The following BAHCC1 variants were observed in gnomAD, a reference collection of about 807,000 sequenced individuals.
The protein encoded by BAHCC1 is BAH domain and coiled-coil containing 1, also known as BAH and coiled-coil domain-containing protein 1.
In BAHCC1, 43 loss-of-function variants were observed where a neutral mutation model predicts 88.2. That is an observed-to-expected ratio of 0.49 (90% CI 0.38 to 0.63). The LOEUF is 0.63. Among genes scored for constraint, BAHCC1 ranks in the 20% least tolerant of loss-of-function variants. BAHCC1 has a pLI of 0.00. For missense variants in BAHCC1, 3,023 were observed against 1,654.8 expected, an observed-to-expected ratio of 1.83 and a Z score of -14.34; for synonymous variants, 1,510 against 745.5, an observed-to-expected ratio of 2.03 and a Z score of -16.71.
chr17:81,404,007 A>C (rs924340435), intron 2 of BAHCC1, among the ~76,000 whole-genome samples: 4 of 152,278 alleles, frequency 2.6e-5, no homozygotes, highest in Non-Finnish European at 2.9e-5. Flanking sequence ...AGCCAGGCAG[A>C]GAACGGCGTT....
At chr17:81,462,633 C>T (rs2030401792) in intron 26 of BAHCC1, 107 bp from the exon 27 acceptor site, 14 of 644,862 alleles carry the variant, frequency 2.2e-5, no homozygotes, top group Non-Finnish European at 3.6e-5. Flanking sequence ...CACACTCACA[C>T]TCAGACTCAC....
rs782776808 is a variant in BAHCC1 at position 81,442,007 on chromosome 17, G to A, written c.658G>A (p.Val220Met). ...CCCCAAGGACTTCGACCGCTTCCTCGTGGGCAAAGAGCTGGGCAGAGAGAA... is the reference window on the plus strand; with the variant it reads ...CCCCAAGGACTTCGACCGCTTCCTCATGGGCAAAGAGCTGGGCAGAGAGAA... ...KGPKDFDRFL[V>M]GKELGREKAG... Residue 220 changes from valine (V) to methionine (M), a missense_variant, in exon 5 of 28, where the codon GTG becomes ATG. Coordinates refer to ENST00000675386, the MANE Select transcript of BAHCC1 (RefSeq NM_001377448.1). 49 of 740,206 alleles carry A rather than the reference G, an allele frequency of 6.6e-5. No homozygotes were observed. Among genetic ancestry groups the A allele is most frequent in the Admixed American group, 3.5e-4 (19 of 54,212 alleles). 45.9% of individuals were successfully genotyped at this position (740,206 alleles called of 1,614,324 possible). A position where few individuals can be genotyped will look rare whatever the true frequency, so the allele number is the denominator to read the frequency against.
In BAHCC1 at chr17:81,455,286, G is replaced by A. The variant is rs980488953; in HGVS notation, c.4465G>A (p.Gly1489Ser). ...CCCCAGGGCGGTGCGGACAAGCCTG[G>A]GTCTGCTGTGTGCGGAGCTGCGAGG... ...KKVKAVRTSL[G>S]LLCAELRGGS... is the part of the protein sequence containing the mutation. The change falls in exon 15 of 28, where the codon GGT becomes AGT. Residue 1489 changes from glycine (G) to serine (S), a missense_variant. Transcript: ENST00000675386. 2 of 716,866 alleles carry A rather than the reference G, an allele frequency of 2.8e-6. No individual in the cohort carries two copies. The highest frequency in any genetic ancestry group is 5.2e-6 in the Non-Finnish European group (2 of 385,308). The allele number at this position is 716,866 out of a possible 1,614,324, so 44.4% of individuals were successfully genotyped here. A position where few individuals can be genotyped will look rare whatever the true frequency, so the allele number is the denominator to read the frequency against.
At chr17:81,425,789 T>G (rs2064184280) in intron 2 of BAHCC1, among the ~76,000 whole-genome samples, 1 of 110,094 alleles carries the variant, frequency 9.1e-6, no homozygotes, top group African/African-American at 3.9e-5. Context: ...GATGATGTGG[T>G]TGAGGGTGAT....
At chr17:81,436,389 ATGGGCTGGAGGCCTGGACCTCTGGAGG>A in intron 3 of BAHCC1, among the ~76,000 whole-genome samples, 1 of 152,180 alleles carries the variant, frequency 6.6e-6, no homozygotes, top group Non-Finnish European at 1.5e-5. Flanking sequence ...CAGAGAGCGG[ATGGGCTGGAGGCCTGGACCTCTGGAGG>A]GGGGACCGGG....
chr17:81,412,638 T>C (rs1555648016), intron 2 of BAHCC1, among the ~76,000 whole-genome samples: 5 of 152,200 alleles, frequency 3.3e-5, no homozygotes. Flanking sequence ...CGACTCTCCC[T>C]CCTGGCCCTT....
In BAHCC1 at chr17:81,452,755, G is replaced by T; in HGVS notation, c.4349G>T (p.Arg1450Leu). Reference protein sequence around the residue: ...RDESSRSPARRGPGRPRKRKH... With the variant: ...RDESSRSPARLGPGRPRKRKH... ...GAGAGTTCACGGAGCCCTGCACGGC[G>T]GGGGCCTGGCCGGCCGAGGAAGCGC... The change falls in exon 14 of 28, where the codon CGG (arginine) becomes CTG (leucine). Residue 1450 changes from arginine (R) to leucine (L), a missense_variant. By Grantham distance (102) the Arg-to-Leu change is moderately radical (BLOSUM62 -2). Coordinates refer to ENST00000675386, the MANE Select transcript of BAHCC1 (RefSeq NM_001377448.1). 1 of 748,876 alleles carries T rather than the reference G, an allele frequency of 1.3e-6. No homozygotes were observed. Among genetic ancestry groups the T allele is most frequent in the Non-Finnish European group, 2.5e-6 (1 of 405,660 alleles). The allele number at this position is 748,876 out of a possible 1,614,324, so 46.4% of individuals were successfully genotyped here. A position where few individuals can be genotyped will look rare whatever the true frequency, so the allele number is the denominator to read the frequency against.
chr17:81,415,431 C>T, intron 2 of BAHCC1: 1 of 419,762 alleles, frequency 2.4e-6, no homozygotes, highest in African/African-American at 2.1e-5. Flanking sequence ...GCATACGTCC[C>T]CCTGGAAGGG....
At chr17:81,428,830 C>A (rs1009800716) in intron 3 of BAHCC1, among the ~76,000 whole-genome samples, 1 of 152,260 alleles carries the variant, frequency 6.6e-6, no homozygotes, top group Non-Finnish European at 1.5e-5. Context: ...TCACATGGGG[C>A]CCGGCATCGG....
In BAHCC1 at chr17:81,447,768, C is replaced by T; in HGVS notation, c.3896C>T (p.Ser1299Leu). The change falls in exon 11 of 28, where the codon TCA becomes TTA. Residue 1299 changes from serine to leucine, a missense_variant. Ser to Leu is a moderately radical substitution (Grantham distance 145, BLOSUM62 -2). Transcript: ENST00000675386. ...PPSTVPLPHS[S>L]GIHGIALLSE... is the part of the protein sequence containing the mutation. ...AGCACAGTCCCCCTGCCTCATAGCT[C>T]AGGGATTCATGGGATCGCTCTGCTC... 1 of 748,926 alleles carries T rather than the reference C, an allele frequency of 1.3e-6. No individual in the cohort carries two copies. Among genetic ancestry groups the T allele is most frequent in the South Asian group, 1.4e-5 (1 of 70,238 alleles). 46.4% of individuals were successfully genotyped at this position (748,926 alleles called of 1,614,324 possible). A position where few individuals can be genotyped will look rare whatever the true frequency, so the allele number is the denominator to read the frequency against.
intron 23 of BAHCC1, among the ~76,000 whole-genome samples, chr17:81,460,024 G>A (rs2030107140): frequency 6.6e-6 from 1 of 152,104 alleles, no homozygotes; most frequent in Non-Finnish European, 1.5e-5. Context: ...GTGGGCACGT[G>A]GGCGTCAGCA....
intron 2 of BAHCC1, chr17:81,415,523 T>C (rs1555648498): frequency 7.8e-6 from 4 of 515,066 alleles, no homozygotes; most frequent in Admixed American, 3.9e-5. Context: ...AATGGCACTT[T>C]AGTGGGGGCC....
rs181434972 is a variant in BAHCC1 at position 81,457,220 on chromosome 17, C to T, written c.4859-190C>T. ...CACCCCTCCCCACACCCATACAAAT[C>T]CCTTCAGGCTGGAGGCCAGGACCTC... is the stretch of plus-strand genomic sequence containing the variant. On this transcript the variant is annotated intron_variant, in intron 16 of 27. Transcript: ENST00000675386. 1.5e-3 allele frequency among the ~76,000 whole-genome samples: 235 copies of T among 152,284 alleles called. 1 individual carries two copies. Among genetic ancestry groups the T allele is most frequent in the African/African-American group, 5.4e-3 (224 of 41,542 alleles).
At chr17:81,440,273 A>G (rs1244891919) in intron 4 of BAHCC1, among the ~76,000 whole-genome samples, 1 of 151,712 alleles carries the variant, frequency 6.6e-6, no homozygotes, top group African/African-American at 2.4e-5. Context: ...CAGAAACCCA[A>G]CCCCTCCACC....
Position 81,461,228 on chromosome 17 carries a change from G to T in BAHCC1, c.6565G>T (p.Ala2189Ser), listed in dbSNP as rs1208111175. Residue 2189 changes from alanine (A) to serine (S), a missense_variant, in exon 26 of 28, where the codon GCC becomes TCC. Transcript: ENST00000675386. ...GAHKLLRAKK[A>S]ERVEAEKGGR... The stretch of plus-strand genomic sequence containing the variant: ...CCACAAGCTGCTGCGGGCTAAGAAG[G>T]CCGAGAGGGTGGAGGCCGAGAAGGG... 1 of 716,668 alleles carries T rather than the reference G, an allele frequency of 1.4e-6. No individual in the cohort carries two copies. Among genetic ancestry groups the T allele is most frequent in the Non-Finnish European group, 2.6e-6 (1 of 389,812 alleles). The allele number at this position is 716,668 out of a possible 1,614,324, so 44.4% of individuals were successfully genotyped here.
intron 15 of BAHCC1, among the ~76,000 whole-genome samples, chr17:81,455,896 G>A (rs1476802000): frequency 6.6e-6 from 1 of 152,096 alleles, no homozygotes; most frequent in African/African-American, 2.4e-5. Context: ...TCCTCTCTCC[G>A]TGGCCTCGGC....
chr17:81,417,051 G>A (rs570039690), intron 2 of BAHCC1, among the ~76,000 whole-genome samples: 36 of 152,280 alleles, frequency 2.4e-4, no homozygotes, highest in African/African-American at 6.5e-4. Flanking sequence ...TGGGGGCTCC[G>A]GTTGAGAGGC....
rs112317001 is a variant in BAHCC1, at chr17:81,416,508, C to T, written c.179-10292C>T. Among the ~76,000 whole-genome samples, 25 of 109,692 alleles carry T rather than the reference C, an allele frequency of 2.3e-4. 2 individuals are homozygous for T. Among genetic ancestry groups the T allele is most frequent in the Admixed American group, 1.3e-3 (14 of 10,664 alleles). 72.0% of individuals were successfully genotyped at this position (109,692 alleles called of 152,430 possible). A position where few individuals can be genotyped will look rare whatever the true frequency, so the allele number is the denominator to read the frequency against. ...ATGAGGATGGGTGTGTGCATGTGTG[C>T]GTGTGTGTCCATGAGGATGGGTGTG... On this transcript the variant is annotated intron_variant, in intron 2 of 27. Coordinates refer to ENST00000675386, the MANE Select transcript of BAHCC1 (RefSeq NM_001377448.1).
At chr17:81,448,994 A>G (rs1555655191) in intron 11 of BAHCC1, among the ~76,000 whole-genome samples, 1 of 152,202 alleles carries the variant, frequency 6.6e-6, no homozygotes, top group East Asian at 1.9e-4. Context: ...GGAGGGTCTC[A>G]GGGACCCTCA....
Sources: allele counts gnomAD v4.1 joint callset (sites outside exome capture counted in the v4.1 genomes callset), GRCh38; gene constraint gnomAD v4.1.1; transcripts MANE v1.5; gene names NCBI Gene and HGNC (gene_info 2026-07-23, HGNC 2026-07-21).